MAP3K13: variants seen among roughly 807,000 people sequenced by gnomAD.
The protein encoded by MAP3K13 is mitogen-activated protein kinase kinase kinase 13.
In MAP3K13, 52 loss-of-function variants were observed where a neutral mutation model predicts 104.0. The ratio of observed to expected loss-of-function variants is 0.50; its 90% CI spans 0.40 to 0.63. The LOEUF is 0.63. Among genes scored for constraint, MAP3K13 ranks in the 20% least tolerant of loss-of-function variants. The pLI is 0.00. For synonymous variants in MAP3K13, 394 were observed against 442.2 expected (o/e 0.89, Z 1.37); for missense variants, 914 against 1,218.5 (o/e 0.75, Z 3.72).
At chr3:185,452,965 C>A (rs566495699) in intron 7 of MAP3K13, among the ~76,000 whole-genome samples, 1 of 152,214 alleles carries the variant, frequency 6.6e-6, no homozygotes, top group South Asian at 2.1e-4. Context: ...CACCTCTTGA[C>A]AAGAGAATCT....
chr3:185,297,136 TC>T, intron 2 of MAP3K13, among the ~76,000 whole-genome samples: 1 of 152,226 alleles, frequency 6.6e-6, no homozygotes, highest in Admixed American at 6.5e-5. Context: ...CAGTTACTCT[TC>T]TAAAAAAAAA....
At chr3:185,455,288 T>TATGTATGAG (rs1560119025) in intron 7 of MAP3K13, among the ~76,000 whole-genome samples, 1 of 7,278 alleles carries the variant, frequency 1.4e-4, no homozygotes, top group African/African-American at 2.1e-4. Context: ...ATATATGAGA[T>TATGTATGAG]ATATATATGA....
rs998110672 is a variant in MAP3K13, at chr3:185,418,977, G to A, written c.-85-9520G>A. On this transcript the variant is annotated intron_variant, in intron 1 of 13. Transcript: ENST00000265026. This position sits in a 1 kb window ranked among gnomAD's most constrained non-coding sequence, Gnocchi z 4.5. ...CATTAACTTTTGTTTGCTCATTGTC[G>A]TCTTTTTAAGTTCACTTTTATTTTC... Among the ~76,000 whole-genome samples, 2 of 151,040 alleles carry A rather than the reference G, an allele frequency of 1.3e-5. No homozygotes were observed. Among genetic ancestry groups the A allele is most frequent in the Non-Finnish European group, 3.0e-5 (2 of 67,712 alleles).
intron 2 of MAP3K13, among the ~76,000 whole-genome samples, chr3:185,324,594 C>T (rs771238883): frequency 5.3e-5 from 8 of 152,120 alleles, no homozygotes; most frequent in Non-Finnish European, 8.8e-5. Context: ...CTCCCAGGGG[C>T]ACACCGTGCT....
chr3:185,451,525 A>G, intron 7 of MAP3K13, 130 bp downstream of exon 7: 1 of 637,402 alleles, frequency 1.6e-6, no homozygotes, highest in Non-Finnish European at 2.8e-6. Context: ...GTGACACAAT[A>G]AATATGATAC....
At chr3:185,395,504 A>G (rs6763259) in intron 1 of MAP3K13, among the ~76,000 whole-genome samples, 92,177 of 97,590 alleles carry the variant, frequency 0.94, 43,570 homozygotes, top group East Asian at 0.99. Flanking sequence ...GACTACAGGC[A>G]CCCGCCACCA....
chr3:185,283,898 C>CTTTTTTTTTT (rs1201384582), intron 1 of MAP3K13, among the ~76,000 whole-genome samples: 30 of 127,376 alleles, frequency 2.4e-4, no homozygotes, highest in African/African-American at 4.2e-4. Context: ...TTCTTTCTTT[C>CTTTTTTTTTT]TTTTTTTTTT....
chr3:185,414,784 A>G (rs554135192), intron 1 of MAP3K13, among the ~76,000 whole-genome samples: 1 of 152,218 alleles, frequency 6.6e-6, no homozygotes, highest in Non-Finnish European at 1.5e-5. Context: ...ATATATTAAT[A>G]TCTCTAGTTA....
intron 2 of MAP3K13, among the ~76,000 whole-genome samples, chr3:185,344,536 C>G (rs1722843409): frequency 6.6e-6 from 1 of 152,206 alleles, no homozygotes; most frequent in South Asian, 2.1e-4. Context: ...GCACTTGACC[C>G]CTTTCCATTT....
chr3:185,457,133 C>CT (rs56202174), intron 7 of MAP3K13, among the ~76,000 whole-genome samples: 108,319 of 151,978 alleles, frequency 0.71, 40,589 homozygotes, highest in Non-Finnish European at 0.83. Context: ...AGCTAAGTTG[C>CT]CACAGTCGGG....
chr3:185,327,637 C>T (rs994720218), intron 2 of MAP3K13, among the ~76,000 whole-genome samples: 3 of 152,082 alleles, frequency 2.0e-5, no homozygotes, highest in Admixed American at 6.6e-5. Flanking sequence ...CAAGGCTGGG[C>T]GCAGTGGCTC....
chr3:185,415,678 G>A (rs545174351), intron 1 of MAP3K13, among the ~76,000 whole-genome samples: 1 of 147,596 alleles, frequency 6.8e-6, no homozygotes, highest in South Asian at 2.2e-4. Context: ...TTGCCTCCCG[G>A]GCTCAAGAGA....
intron 2 of MAP3K13, among the ~76,000 whole-genome samples, chr3:185,338,716 A>G (rs967626439): frequency 1.3e-5 from 2 of 152,044 alleles, no homozygotes; most frequent in Non-Finnish European, 2.9e-5. Context: ...CTCTGTGGTC[A>G]ACTTCCCCAT....
rs141622951 is a variant in MAP3K13, at chr3:185,473,408, G to T, written c.2077G>T (p.Gly693Cys). The T allele has an allele frequency of 6.2e-7, 1 of 1,614,192 alleles. No individual in the cohort carries two copies. The highest frequency in any genetic ancestry group is 8.5e-7 in the Non-Finnish European group (1 of 1,180,042). ...CAACCATGCTCAGAGACAGCTGCCC[G>T]GCTCGAGCCCTGACCTCATCTCCAC... ...LSNHAQRQLPGSSPDLISTAM... is the reference protein window; with the variant it reads ...LSNHAQRQLPCSSPDLISTAM... The change falls in exon 11 of 14, where the codon GGC becomes TGC. Residue 693 changes from glycine to cysteine, a missense_variant. By Grantham distance (159) the Gly-to-Cys change is radical. Coordinates refer to ENST00000265026, the MANE Select transcript of MAP3K13 (RefSeq NM_004721.5). The surrounding 1 kb of genome is among the most constrained non-coding windows in gnomAD (Gnocchi z 4.9).
chr3:185,367,601 A>AT lies in MAP3K13; in HGVS notation c.-86+4247dup, dbSNP rs879316068. ...TTAAGCACTTTCTACGTGTCTGTAA[A>AT]TTTTTTTTTTTTTTAAACAAGGTCT... On this transcript the variant is annotated intron_variant, in intron 1 of 13. Transcript: ENST00000265026. Among the ~76,000 whole-genome samples the AT allele has an allele frequency of 7.9e-4, 115 of 146,390 alleles. 1 individual carries two copies. Among genetic ancestry groups the AT allele is most frequent in the South Asian group, 1.1e-3 (5 of 4,610 alleles).
At chr3:185,404,192 A>G (rs967192655) in intron 1 of MAP3K13, among the ~76,000 whole-genome samples, 1 of 152,270 alleles carries the variant, frequency 6.6e-6, no homozygotes, top group African/African-American at 2.4e-5. Flanking sequence ...GGAAATAGAT[A>G]AGAACTTATT....
At chr3:185,416,889 C>G (rs1317730164) in intron 1 of MAP3K13, among the ~76,000 whole-genome samples, 3 of 151,688 alleles carry the variant, frequency 2.0e-5, no homozygotes, top group Admixed American at 1.3e-4. Flanking sequence ...TCCCAAAGTG[C>G]TGGGAGTACA....
At chr3:185,283,902 T>TTTC in intron 1 of MAP3K13, among the ~76,000 whole-genome samples, 1 of 147,482 alleles carries the variant, frequency 6.8e-6, no homozygotes, top group Non-Finnish European at 1.5e-5. Flanking sequence ...TTCTTTCTTT[T>TTTC]TTTTTTTTTT....
At chr3:185,449,263 C>T (rs575717624) in intron 5 of MAP3K13, among the ~76,000 whole-genome samples, 151 of 150,690 alleles carry the variant, frequency 1.0e-3, no homozygotes, top group South Asian at 2.3e-3. Flanking sequence ...ATCCCAGCTA[C>T]TTGGGAGGCT....
Sources: gnomAD v4.1 joint callset for allele counts (sites outside exome capture counted in the v4.1 genomes callset) on GRCh38, gnomAD v4.1.1 for gene constraint, Gnocchi (gnomAD v3.1) non-coding constraint, MANE v1.5 for transcripts, NCBI Gene and HGNC (gene_info 2026-07-23, HGNC 2026-07-21) for gene names.